BACH2: variants seen among roughly 807,000 people sequenced by gnomAD.
BACH2 encodes BACH transcriptional regulator 2.
BACH2 carries 5 observed loss-of-function variants against 61.8 expected under a neutral mutation model. The observed-to-expected ratio is 0.08, with a 90% CI of 0.04 to 0.17. The LOEUF (loss-of-function observed/expected upper bound fraction) is 0.17. Ranked by LOEUF, BACH2 falls within the 10% of genes least tolerant of loss-of-function variation. The probability of loss-of-function intolerance (pLI) is 1.00; values close to 1 mark genes in which losing one functional copy is unlikely to be tolerated. For synonymous variants in BACH2, 446 were observed against 440.1 expected, an observed-to-expected ratio of 1.01 and a Z score of -0.17; for missense variants, 824 against 1,091.1, an observed-to-expected ratio of 0.76 and a Z score of 3.45.
At chr6:90,201,253 C>T (rs912766969) in intron 4 of BACH2, among the ~76,000 whole-genome samples, 1 of 152,104 alleles carries the variant, frequency 6.6e-6, no homozygotes, top group African/African-American at 2.4e-5. Context: ...ATTTTTTAGG[C>T]GTTGATACAC....
intron 4 of BACH2, among the ~76,000 whole-genome samples, chr6:90,143,917 T>A (rs1784540426): frequency 6.6e-6 from 1 of 152,030 alleles, no homozygotes. Flanking sequence ...GGAGATCTGC[T>A]ATGACATTAC....
intron 4 of BACH2, among the ~76,000 whole-genome samples, chr6:90,141,900 G>A (rs1202943813): frequency 6.6e-6 from 1 of 152,136 alleles, no homozygotes; most frequent in Non-Finnish European, 1.5e-5. Context: ...GGCCAACATG[G>A]CAAAACCCTG....
chr6:90,067,926 T>C (rs1473831894), intron 5 of BACH2, among the ~76,000 whole-genome samples: 2 of 152,142 alleles, frequency 1.3e-5, no homozygotes, highest in Admixed American at 6.6e-5. Flanking sequence ...ATTAAACTCA[T>C]TCATTCACTC....
chr6:89,995,105 A>G (rs1307555927), intron 6 of BACH2, among the ~76,000 whole-genome samples: 1 of 152,230 alleles, frequency 6.6e-6, no homozygotes, highest in Non-Finnish European at 1.5e-5. Context: ...TAACCACTCC[A>G]GGACCATGAA....
intron 4 of BACH2, among the ~76,000 whole-genome samples, chr6:90,121,234 G>T (rs1783610920): frequency 6.6e-6 from 1 of 152,136 alleles, no homozygotes; most frequent in Non-Finnish European, 1.5e-5. Flanking sequence ...GCAACTTTAG[G>T]TTAAATACAT....
chr6:90,119,563 T>C (rs937588917), intron 4 of BACH2, among the ~76,000 whole-genome samples: 2 of 152,158 alleles, frequency 1.3e-5, no homozygotes, highest in Non-Finnish European at 2.9e-5. Context: ...GCTGAACAGC[T>C]GCAGAAACAA....
At chr6:90,238,209 T>A (rs571795530) in intron 3 of BACH2, among the ~76,000 whole-genome samples, 1 of 152,320 alleles carries the variant, frequency 6.6e-6, no homozygotes, top group East Asian at 1.9e-4. Context: ...ATGTATCTGT[T>A]CTCTCTTATC....
intron 5 of BACH2, among the ~76,000 whole-genome samples, chr6:90,047,050 C>A (rs959608822): frequency 1.3e-5 from 2 of 152,174 alleles, no homozygotes; most frequent in African/African-American, 4.8e-5. Flanking sequence ...CCTGCCTCAG[C>A]CTCCTGAGTA....
At chr6:90,173,702 T>C (rs1271907967) in intron 4 of BACH2, among the ~76,000 whole-genome samples, 2 of 152,176 alleles carry the variant, frequency 1.3e-5, no homozygotes, top group Admixed American at 1.3e-4. Context: ...CAAAAAAGCA[T>C]GAGGAACTTT....
At chr6:90,101,833 A>G (rs887589791) in intron 4 of BACH2, among the ~76,000 whole-genome samples, 4 of 152,106 alleles carry the variant, frequency 2.6e-5, no homozygotes, top group African/African-American at 7.2e-5. Flanking sequence ...ATTTCTTTCT[A>G]TAGTATTCTG....
At chr6:90,163,415 TAAGTA>T (rs1321302681) in intron 4 of BACH2, among the ~76,000 whole-genome samples, 2 of 152,206 alleles carry the variant, frequency 1.3e-5, no homozygotes, top group Non-Finnish European at 2.9e-5. Flanking sequence ...TTTTCTGCTT[TAAGTA>T]GAGTTATCCT....
intron 4 of BACH2, among the ~76,000 whole-genome samples, chr6:90,173,467 T>C (rs1017112351): frequency 1.3e-5 from 2 of 152,072 alleles, no homozygotes; most frequent in Non-Finnish European, 1.5e-5. Context: ...GGTATATCCA[T>C]ACAGTGAAAT....
chr6:90,113,962 G>C (rs775283088), intron 4 of BACH2, among the ~76,000 whole-genome samples: 43 of 152,148 alleles, frequency 2.8e-4, no homozygotes, highest in South Asian at 2.1e-4. Context: ...TCCTAAGACT[G>C]AGTCAGGAAG....
In BACH2 at chr6:90,143,911, A is replaced by G. The variant is rs73752887; in HGVS notation, c.-161-54802T>C. Among the ~76,000 whole-genome samples, 1,107 of 152,210 alleles carry G rather than the reference A, an allele frequency of 7.3e-3. 5 individuals carry two copies. Among genetic ancestry groups the G allele is most frequent in the African/African-American group, 0.026 (1,066 of 41,536 alleles). ...TGAACTCTTCAGCATCCCTGTGGAG[A>G]TCTGCTATGACATTACTATATATGT... On this transcript the variant is annotated intron_variant, in intron 4 of 8. Transcript: ENST00000257749.
Position 89,932,699 on chromosome 6 carries a change from G to A in BACH2, c.2235C>T (p.Asn745=), listed in dbSNP as rs767748883. ...TCTGCTCAGCACCCAAGGGCGCAGGGTTAATACTGGAGGCCGTGGGCAAGT... is the reference window on the plus strand; with the variant it reads ...TCTGCTCAGCACCCAAGGGCGCAGGATTAATACTGGAGGCCGTGGGCAAGT... ...PMDLPTASSI[N]PAPLGAEQNI... Residue 745 remains asparagine (N), a synonymous_variant, in exon 9 of 9, where the codon AAC becomes AAT. Coordinates refer to ENST00000257749, the MANE Select transcript of BACH2 (RefSeq NM_021813.4). The A allele has an allele frequency of 6.2e-6, 10 of 1,614,208 alleles. No individual in the cohort carries two copies. The East Asian group carries it at 1.6e-4, about 25-fold the overall frequency.
rs777358840 is a variant in BACH2 at position 90,017,467 on chromosome 6, G to A, written c.-12-8611C>T. ...GAACTCCTGACCTCAAATAATCTGC[G>A]CACCTCGGCCTCCCAAAATGCTGGG... On this transcript the variant is annotated intron_variant, in intron 5 of 8. Coordinates refer to ENST00000257749, the MANE Select transcript of BACH2 (RefSeq NM_021813.4). 1.1e-4 allele frequency among the ~76,000 whole-genome samples: 16 copies of A among 151,952 alleles called. No homozygotes were observed. In the South Asian group the frequency reaches 2.3e-3, roughly 22 times the overall value.
chr6:90,114,189 C>A (rs1783297316), intron 4 of BACH2, among the ~76,000 whole-genome samples: 1 of 152,108 alleles, frequency 6.6e-6, no homozygotes, highest in Non-Finnish European at 1.5e-5. Flanking sequence ...CATCTTGATA[C>A]CAAAACCTGG....
chr6:90,161,584 GGCA>G (rs1785193703), intron 4 of BACH2, among the ~76,000 whole-genome samples: 2 of 152,106 alleles, frequency 1.3e-5, no homozygotes, highest in Non-Finnish European at 2.9e-5. Context: ...ATCATGATTA[GGCA>G]TAGTTAAGCA....
chr6:90,156,184 G>A (rs1007909399), intron 4 of BACH2, among the ~76,000 whole-genome samples: 18 of 151,938 alleles, frequency 1.2e-4, no homozygotes, highest in Non-Finnish European at 1.9e-4. Flanking sequence ...GGTAGGTATC[G>A]AGTGGTGTAA....
Sources: gnomAD v4.1 joint callset for allele counts (sites outside exome capture counted in the v4.1 genomes callset) on GRCh38, gnomAD v4.1.1 for gene constraint, MANE v1.5 for transcripts, NCBI Gene and HGNC (gene_info 2026-07-23, HGNC 2026-07-21) for gene names.